Variants in WDR35 observed in about 807,000 individuals in gnomAD.
WDR35 encodes WD repeat domain 35.
In WDR35, 118 loss-of-function variants were observed where a neutral mutation model predicts 158.3. The observed-to-expected ratio is 0.75, with a 90% confidence interval of 0.64 to 0.87. The LOEUF (loss-of-function observed/expected upper bound fraction) is 0.87, where lower values mean the gene tolerates loss of function less well. WDR35 is among the 40% of genes least tolerant of loss of function. The pLI, the probability that WDR35 is intolerant of heterozygous loss-of-function variation, is 0.00. For synonymous variants in WDR35, 448 were observed against 476.1 expected, an observed-to-expected ratio of 0.94 and a Z score of 0.77; for missense variants, 1,263 against 1,405.8, an observed-to-expected ratio of 0.90 and a Z score of 1.62.
chr2:19,937,662 C>T (rs1205122787), intron 19 of WDR35, 81 bp downstream of exon 19: 35 of 1,560,754 alleles, frequency 2.2e-5, no homozygotes, highest in Admixed American at 1.2e-4. Context: ...ATACACCTAA[C>T]GTATTTATAG....
At chr2:19,956,618 CTTTTTT>C (rs34318252) in intron 11 of WDR35, among the ~76,000 whole-genome samples, 1 of 129,412 alleles carries the variant, frequency 7.7e-6, no homozygotes, top group African/African-American at 2.8e-5. Context: ...CTTAATAATA[CTTTTTT>C]TTTTTTTTTT....
intron 2 of WDR35, among the ~76,000 whole-genome samples, chr2:19,983,924 A>T (rs2103466490): frequency 6.6e-6 from 1 of 151,780 alleles, no homozygotes; most frequent in Admixed American, 6.6e-5. Context: ...CAACATACTT[A>T]AACTTTATTA....
chr2:19,975,738 T>C, intron 5 of WDR35, 75 bp from the exon 6 acceptor site: 1 of 1,588,778 alleles, frequency 6.3e-7, no homozygotes, highest in South Asian at 1.1e-5. Flanking sequence ...TTTGTTTTTC[T>C]AAAGATCTCA....
At chr2:19,989,433 C>T (rs997691572) in intron 1 of WDR35, 151 bp from the exon 2 acceptor site, 10 of 743,502 alleles carry the variant, frequency 1.3e-5, no homozygotes, top group Non-Finnish European at 2.2e-5. Flanking sequence ...TGGGCATGGT[C>T]CCCTGAACTG....
At chr2:19,963,125 T>G (rs567644010) in intron 10 of WDR35, among the ~76,000 whole-genome samples, 27 of 152,268 alleles carry the variant, frequency 1.8e-4, no homozygotes, top group African/African-American at 6.5e-4. Context: ...TTCATTCCCT[T>G]TTCCACCCCA....
At chr2:19,961,475 C>T (rs1253442704) in intron 10 of WDR35, among the ~76,000 whole-genome samples, 1 of 152,154 alleles carries the variant, frequency 6.6e-6, no homozygotes, top group Non-Finnish European at 1.5e-5. Context: ...CCGTTGCACC[C>T]AGATCAGCTG....
intron 25 of WDR35, among the ~76,000 whole-genome samples, chr2:19,915,568 G>A (rs556099923): frequency 5.3e-5 from 8 of 151,890 alleles, no homozygotes; most frequent in African/African-American, 1.7e-4. Context: ...TTTAAACAGT[G>A]TATAATTTAT....
At chr2:19,940,497 G>A (rs1223309911) in intron 17 of WDR35, among the ~76,000 whole-genome samples, 2 of 152,160 alleles carry the variant, frequency 1.3e-5, no homozygotes, top group African/African-American at 2.4e-5. Context: ...CTTAAACAAG[G>A]ACAAGAAAAG....
intron 8 of WDR35, among the ~76,000 whole-genome samples, chr2:19,972,745 G>A (rs188498718): frequency 4.0e-5 from 6 of 151,616 alleles, no homozygotes; most frequent in Non-Finnish European, 1.5e-5. Flanking sequence ...TAAAACAACT[G>A]GTATAGGCTT....
intron 2 of WDR35, among the ~76,000 whole-genome samples, chr2:19,985,897 G>A (rs1380472848): frequency 2.7e-5 from 2 of 72,788 alleles, no homozygotes; most frequent in Non-Finnish European, 5.4e-5. Flanking sequence ...ACCCCATCTC[G>A]GGAAAAAAAA....
intron 6 of WDR35, among the ~76,000 whole-genome samples, chr2:19,975,039 TCTCCAGATTATG>T (rs1285812900): frequency 6.6e-6 from 1 of 152,238 alleles, no homozygotes; most frequent in African/African-American, 2.4e-5. Context: ...CCAGAATTTT[TCTCCAGATTATG>T]CTGCCTGATC....
intron 25 of WDR35, among the ~76,000 whole-genome samples, chr2:19,919,377 T>C (rs1286670313): frequency 9.7e-5 from 7 of 72,154 alleles, no homozygotes; most frequent in African/African-American, 5.0e-4. Context: ...CAAGGCTCCA[T>C]CTCAAAAAAA....
At position 19,942,031 on chromosome 2, in the gene WDR35, T is replaced by C. The variant is rs62109410; in HGVS notation, c.1846-192A>G. 0.084 allele frequency among the ~76,000 whole-genome samples: 12,775 copies of C among 152,230 alleles called. 752 individuals are homozygous for C. Among genetic ancestry groups the C allele is most frequent in the East Asian group, 0.23 (1,211 of 5,188 alleles). On this transcript the variant is annotated intron_variant, in intron 16 of 26. Transcript: ENST00000281405. ...TTCCTTTAACTTCTTGGCTGAAGTA[T>C]TGTAAAGTAAATACAGTAAATTACG...
In WDR35 at chr2:19,966,841, G is replaced by A. The variant is rs771046859; in HGVS notation, c.1077C>T (p.Val359=). The A allele has an allele frequency of 4.3e-6, 7 of 1,613,690 alleles. No individual in the cohort carries two copies. The highest frequency in any genetic ancestry group is 1.1e-5 in the South Asian group (1 of 91,068). Residue 359 remains valine, a synonymous_variant, in exon 10 of 27, where the codon GTC becomes GTT. Coordinates refer to ENST00000281405, the MANE Select transcript of WDR35 (RefSeq NM_020779.4). The part of the protein sequence containing the change: ...TRPDRPEYCV[V]FWDTKNNEKY... ...TTTCATTGTTTTTCGTATCCCAGAA[G>A]ACAACACAATATTCTGGACGATCAG...
intron 11 of WDR35, among the ~76,000 whole-genome samples, chr2:19,955,837 G>A (rs1671411210): frequency 6.6e-6 from 1 of 152,200 alleles, no homozygotes; most frequent in Non-Finnish European, 1.5e-5. Context: ...GATGTTAATT[G>A]AGTGGGTTAA....
intron 25 of WDR35, among the ~76,000 whole-genome samples, chr2:19,920,075 T>C (rs1166195784): frequency 1.3e-5 from 2 of 152,138 alleles, no homozygotes; most frequent in Non-Finnish European, 2.9e-5. Context: ...GTTCTGAAAT[T>C]GAGCAGCAAT....
At position 19,913,453 on chromosome 2, in the gene WDR35, G is replaced by A; in HGVS notation, c.*105C>T. 1 of 1,446,960 alleles carries A rather than the reference G, an allele frequency of 6.9e-7. No homozygotes were observed. Among genetic ancestry groups the A allele is most frequent in the Non-Finnish European group, 9.5e-7 (1 of 1,053,096 alleles). 89.6% of individuals were successfully genotyped at this position (1,446,960 alleles called of 1,614,324 possible). On this transcript the variant is annotated 3_prime_UTR_variant, in exon 27 of 27. Coordinates refer to ENST00000281405, the MANE Select transcript of WDR35 (RefSeq NM_020779.4). Reference sequence around the variant, plus strand: ...AAATTCAACTATAAATAATGAGGCTGATTTTCATACAAAACTCACAGAAAT... The same window carrying A: ...AAATTCAACTATAAATAATGAGGCTAATTTTCATACAAAACTCACAGAAAT...
rs1227513120 is a variant in WDR35 at position 19,934,523 on chromosome 2, T to C, written c.2547+948A>G. Reference sequence around the variant, plus strand: ...CTATTTAAAATTTATAATACTAAAATTTTTACTATTTTAGTTATTTAATTA... The same window carrying C: ...CTATTTAAAATTTATAATACTAAAACTTTTACTATTTTAGTTATTTAATTA... On this transcript the variant is annotated intron_variant, in intron 21 of 26. Transcript: ENST00000281405. This position sits in a 1 kb window ranked among gnomAD's most constrained non-coding sequence, Gnocchi z 4.6. Among the ~76,000 whole-genome samples the C allele has an allele frequency of 2.0e-5, 3 of 152,022 alleles. No individual in the cohort carries two copies. Among genetic ancestry groups the C allele is most frequent in the African/African-American group, 7.2e-5 (3 of 41,426 alleles).
chr2:19,924,784 T>C (rs183576440), intron 25 of WDR35, among the ~76,000 whole-genome samples: 1 of 152,172 alleles, frequency 6.6e-6, no homozygotes, highest in Admixed American at 6.5e-5. Context: ...ATAAAGGAAA[T>C]ACTCCATTTC....
Sources: allele counts gnomAD v4.1 joint callset (sites outside exome capture counted in the v4.1 genomes callset), GRCh38; gene constraint gnomAD v4.1.1; non-coding constraint Gnocchi (gnomAD v3.1); transcripts MANE v1.5; gene names NCBI Gene and HGNC (gene_info 2026-07-23, HGNC 2026-07-21).